DDX18: variants seen among roughly 807,000 people sequenced by gnomAD.
The protein encoded by DDX18 is ATP-dependent RNA helicase DDX18.
DDX18 carries 23 observed loss-of-function variants against 73.5 expected under a neutral mutation model. The ratio of observed to expected loss-of-function variants is 0.31; its 90% CI spans 0.23 to 0.44. DDX18 has a LOEUF of 0.44. DDX18 is among the 20% of genes least tolerant of loss of function. The pLI is 1.00. For synonymous variants in DDX18, 268 were observed against 282.7 expected, an observed-to-expected ratio of 0.95 and a Z score of 0.52; for missense variants, 753 against 792.9, an observed-to-expected ratio of 0.95 and a Z score of 0.60.
At chr2:117,824,503 T>C (rs1679892654) in intron 7 of DDX18, 66 bp from the exon 8 acceptor site, 2 of 1,278,922 alleles carry the variant, frequency 1.6e-6, no homozygotes, top group Admixed American at 3.0e-5. Flanking sequence ...AGAATATTTG[T>C]AGTTGTGAGG....
chr2:117,824,945 T>C lies in DDX18; in HGVS notation c.1212T>C (p.Tyr404=). ...TCTGCTTAAACGCTTTCTAGGGATATGTTGTTTGTCCTTCTGAAAAGAGAT... is the reference window on the plus strand; with the variant it reads ...TCTGCTTAAACGCTTTCTAGGGATACGTTGTTTGTCCTTCTGAAAAGAGAT... ...NATVDGLEQG[Y]VVCPSEKRFL... The change falls in exon 9 of 14, where the codon TAT becomes TAC. Residue 404 remains tyrosine, a synonymous_variant. Transcript: ENST00000263239. 6.2e-7 allele frequency: 1 copy of C among 1,606,904 alleles called. No individual in the cohort carries two copies. The highest frequency in any genetic ancestry group is 8.5e-7 in the Non-Finnish European group (1 of 1,178,140).
Position 117,826,251 on chromosome 2 carries a change from T to G in DDX18, c.1522-18T>G. 2.5e-6 allele frequency: 4 copies of G among 1,608,716 alleles called. No homozygotes were observed. Among genetic ancestry groups the G allele is most frequent in the Non-Finnish European group, 3.4e-6 (4 of 1,176,478 alleles). On this transcript the variant is annotated intron_variant, in intron 10 of 13. Coordinates refer to ENST00000263239, the MANE Select transcript of DDX18 (RefSeq NM_006773.4). ...TGGAAGTCACTGCGTTAACTCAGATTTTCTTTCTCCACCAAAGGAATATAT... is the reference window on the plus strand; with the variant it reads ...TGGAAGTCACTGCGTTAACTCAGATGTTCTTTCTCCACCAAAGGAATATAT...
chr2:117,825,656 T>G (rs1002085484), intron 10 of DDX18, 57 bp downstream of exon 10: 1 of 1,586,520 alleles, frequency 6.3e-7, no homozygotes, highest in African/African-American at 1.3e-5. Flanking sequence ...GTTCACTTAT[T>G]CTCCCAGTTC....
Position 117,832,302 on chromosome 2 carries a change from T to C in DDX18, c.*1578T>C, listed in dbSNP as rs1410865713. ...AATTTTTTTATCAAAAATTAAGTCA[T>C]CTACCTACTACTTGTAACCAGCTTG... On this transcript the variant is annotated 3_prime_UTR_variant, in exon 14 of 14. Transcript: ENST00000263239. The C allele has an allele frequency of 1.3e-5, 2 of 152,250 alleles. No homozygotes were observed. The highest frequency in any genetic ancestry group is 2.9e-5 in the Non-Finnish European group (2 of 68,044). 9.4% of individuals were successfully genotyped at this position (152,250 alleles called of 1,614,324 possible).
At chr2:117,822,549 G>A (rs943644814) in intron 7 of DDX18, 16 of 309,396 alleles carry the variant, frequency 5.2e-5, no homozygotes, top group East Asian at 2.4e-4. Context: ...CCAAGAAGCC[G>A]CAGATTTTTT....
chr2:117,826,578 T>G (rs1679931844), intron 11 of DDX18, 196 bp downstream of exon 11: 3 of 588,054 alleles, frequency 5.1e-6, no homozygotes, highest in Non-Finnish European at 9.1e-6. Flanking sequence ...TGGCTCGGCT[T>G]TCTAGCTCTG....
chr2:117,819,700 C>T lies in DDX18; in HGVS notation c.422C>T (p.Ala141Val), dbSNP rs897310314. 16 of 1,603,934 alleles carry T rather than the reference C, an allele frequency of 1.0e-5. No individual in the cohort carries two copies. Among genetic ancestry groups the T allele is most frequent in the Non-Finnish European group, 1.4e-5 (16 of 1,176,056 alleles). Residue 141 changes from alanine (A) to valine (V), a missense_variant, in exon 3 of 14, where the codon GCC becomes GTC. Around this residue, in one of 3 missense-constraint regions of DDX18, gnomAD observed 345 missense variants for 352.0 expected, o/e 0.98. Coordinates refer to ENST00000263239, the MANE Select transcript of DDX18 (RefSeq NM_006773.4). Reference protein sequence around the residue: ...ENKGKSEEESAETTKETENNV... With the variant: ...ENKGKSEEESVETTKETENNV... ...AAAGGGAAATCTGAAGAAGAAAGTG[C>T]CGAGACTACTAAAGAAACAGAAAAT...
chr2:117,825,114 G>A lies in DDX18; in HGVS notation c.1368+13G>A, dbSNP rs528961378. ...CTTGGCCATTCATGTAAGTGATGAT[G>A]ATGAGCTCATTGAAAACAGGGTATG... On this transcript the variant is annotated intron_variant, in intron 9 of 13. Coordinates refer to ENST00000263239, the MANE Select transcript of DDX18 (RefSeq NM_006773.4). 3.1e-6 allele frequency: 5 copies of A among 1,602,870 alleles called. No homozygotes were observed. In the African/African-American group the frequency reaches 6.8e-5, roughly 22 times the overall value.
In DDX18 at chr2:117,817,711, T is replaced by C; in HGVS notation, c.353T>C (p.Val118Ala). Residue 118 changes from valine to alanine, a missense_variant, in exon 2 of 14, where the codon GTG becomes GCG. By Grantham distance (64) the Val-to-Ala change is moderately conservative. Coordinates refer to ENST00000263239, the MANE Select transcript of DDX18 (RefSeq NM_006773.4). ...KKKKKKKRKMVNDAEPDTKKA... is the reference protein window; with the variant it reads ...KKKKKKKRKMANDAEPDTKKA... ...AAAAAGAAGAAAAAGAGAAAAATGGTGAATGATGCTGAGCCTGGTAGGTAT... is the reference window on the plus strand; with the variant it reads ...AAAAAGAAGAAAAAGAGAAAAATGGCGAATGATGCTGAGCCTGGTAGGTAT... 6.2e-7 allele frequency: 1 copy of C among 1,603,954 alleles called. No homozygotes were observed. Among genetic ancestry groups the C allele is most frequent in the African/African-American group, 1.4e-5 (1 of 74,008 alleles).
Position 117,819,791 on chromosome 2 carries a change from A to C in DDX18, c.513A>C (p.Thr171=). 6.3e-7 allele frequency: 1 copy of C among 1,575,436 alleles called. No individual in the cohort carries two copies. ...TGCCCAGTCTGCCCCTGGGACTGAC[A>C]GGTAACGTCCAGGAAGTTTTCTAGA... ...SEVPSLPLGL[T]GAFEDTSFAS... The change falls in exon 3 of 14, where the codon ACA becomes ACC. Residue 171 remains threonine, a splice_region_variant and synonymous_variant. Transcript: ENST00000263239.
intron 9 of DDX18, among the ~76,000 whole-genome samples, 159 bp from the exon 10 acceptor site, chr2:117,825,288 A>G (rs1679906322): frequency 6.6e-6 from 1 of 152,072 alleles, no homozygotes; most frequent in African/African-American, 2.4e-5. Flanking sequence ...GAAGAGTGCA[A>G]GACACCATCC....
chr2:117,829,117 AG>A, intron 12 of DDX18, 112 bp downstream of exon 12: 7 of 1,157,956 alleles, frequency 6.0e-6, no homozygotes, highest in Non-Finnish European at 8.8e-6. Flanking sequence ...TCCTAAAGTG[AG>A]GATCAGGCTG....
intron 13 of DDX18, 91 bp from the exon 14 acceptor site, chr2:117,830,491 A>G: frequency 2.8e-6 from 4 of 1,405,608 alleles, no homozygotes; most frequent in Non-Finnish European, 3.8e-6. Flanking sequence ...GTGGAGGAAC[A>G]GTAGTGTTCA....
chr2:117,829,027 G>T, intron 12 of DDX18, 22 bp downstream of exon 12: 1 of 1,597,808 alleles, frequency 6.3e-7, no homozygotes, highest in East Asian at 2.2e-5. Context: ...TTAAACGTTT[G>T]TGAGTAAACA....
chr2:117,818,726 T>C (rs1312724234), intron 2 of DDX18, among the ~76,000 whole-genome samples: 1 of 152,172 alleles, frequency 6.6e-6, no homozygotes, highest in African/African-American at 2.4e-5. Context: ...CTCACTGTGT[T>C]GTCCAAGCTG....
rs574243096 is a variant in DDX18, at chr2:117,822,324, C to T, written c.1066+63C>T. On this transcript the variant is annotated intron_variant, in intron 7 of 13. Transcript: ENST00000263239. Reference sequence around the variant, plus strand: ...CTGTTGGAGGTAGATAAGAGTTGTTCCTATAGAAAAACTGTACTAATGCCA... The same window carrying T: ...CTGTTGGAGGTAGATAAGAGTTGTTTCTATAGAAAAACTGTACTAATGCCA... 8.2e-5 allele frequency: 110 copies of T among 1,347,756 alleles called. 1 individual carries two copies. The South Asian group carries it at 1.3e-3, about 16-fold the overall frequency. 83.5% of individuals were successfully genotyped at this position (1,347,756 alleles called of 1,614,324 possible).
chr2:117,815,806 C>G (rs1679747672), intron 1 of DDX18: 2 of 152,164 alleles, frequency 1.3e-5, no homozygotes, highest in African/African-American at 4.8e-5. Flanking sequence ...TTCTCAGGTA[C>G]AGTCATGCAT....
At chr2:117,830,294 C>T (rs1465764808) in intron 13 of DDX18, among the ~76,000 whole-genome samples, 1 of 152,156 alleles carries the variant, frequency 6.6e-6, no homozygotes, top group Non-Finnish European at 1.5e-5. Flanking sequence ...CCTGATTAAA[C>T]TCATAAATCC....
At position 117,821,840 on chromosome 2, in the gene DDX18, T is replaced by A; in HGVS notation, c.752-22T>A. 1.9e-6 allele frequency: 3 copies of A among 1,613,808 alleles called. No homozygotes were observed. In the South Asian group the frequency reaches 3.3e-5, roughly 18 times the overall value. ...TCAGTGGTGACAGCCACATTTAGACTTCTACCATATATCATTTTTAGGAAC... is the reference window on the plus strand; with the variant it reads ...TCAGTGGTGACAGCCACATTTAGACATCTACCATATATCATTTTTAGGAAC... On this transcript the variant is annotated intron_variant, in intron 5 of 13. Transcript: ENST00000263239.
Sources: allele counts gnomAD v4.1 joint callset (sites outside exome capture counted in the v4.1 genomes callset), GRCh38; gene constraint gnomAD v4.1.1; regional missense constraint gnomAD v4.1.1; transcripts MANE v1.5; gene names NCBI Gene and HGNC (gene_info 2026-07-23, HGNC 2026-07-21).